PRSS41: variants seen among roughly 807,000 people sequenced by gnomAD.
PRSS41 encodes protease, serine 41.
A neutral mutation model predicts 28.8 loss-of-function variants in PRSS41; 37 were observed. The ratio of observed to expected loss-of-function variants is 1.29; its 90% CI spans 0.99 to 1.69. The LOEUF (loss-of-function observed/expected upper bound fraction) is 1.69. PRSS41 is among the 40% of genes most tolerant of loss of function. The probability of loss-of-function intolerance (pLI) is 0.00; values close to 1 mark genes in which losing one functional copy is unlikely to be tolerated. For missense variants in PRSS41, 431 were observed against 400.7 expected, an observed-to-expected ratio of 1.08 and a Z score of -0.65; for synonymous variants, 195 against 163.1, an observed-to-expected ratio of 1.20 and a Z score of -1.49.
chr16:2,802,107 G>A (rs1216748867), intron 4 of PRSS41, among the ~76,000 whole-genome samples: 1 of 147,350 alleles, frequency 6.8e-6, no homozygotes, highest in African/African-American at 2.5e-5. Context: ...CGGGCGGAGA[G>A]GCTCCTCACT....
chr16:2,800,313 GGTGAATC>G, intron 4 of PRSS41, among the ~76,000 whole-genome samples: 1 of 152,298 alleles, frequency 6.6e-6, no homozygotes, highest in Middle Eastern at 3.4e-3. Flanking sequence ...GGCCGAGGCA[GGTGAATC>G]ACCTGAGGTC....
chr16:2,802,858 G>A (rs1270236265), intron 4 of PRSS41, among the ~76,000 whole-genome samples: 1 of 144,640 alleles, frequency 6.9e-6, no homozygotes, highest in Non-Finnish European at 1.5e-5. Flanking sequence ...GAGGGAGACC[G>A]TGGGGAGAGG....
chr16:2,804,289 A>T (rs2069006232), intron 4 of PRSS41, 100 bp from the exon 5 acceptor site: 2 of 1,278,784 alleles, frequency 1.6e-6, no homozygotes, highest in Non-Finnish European at 2.2e-6. Flanking sequence ...TGTGTCAGGG[A>T]CCTTCTCCCC....
At chr16:2,799,482 C>T in exon 4 of PRSS41, 2 of 1,552,154 alleles carry the variant, frequency 1.3e-6, no homozygotes, top group South Asian at 1.2e-5. Flanking sequence ...GTACATCCAG[C>T]CCATTTGCAT....
chr16:2,798,584 G>C, intron 1 of PRSS41, 36 bp downstream of exon 1: 2 of 1,525,492 alleles, frequency 1.3e-6, no homozygotes, highest in South Asian at 1.2e-5. Context: ...ACCGGGGGCA[G>C]CGAGGAGGCC....
At chr16:2,799,445 A>T (rs1477425753) in exon 4 of PRSS41, 2 of 1,552,184 alleles carry the variant, frequency 1.3e-6, no homozygotes, top group Admixed American at 2.0e-5. Context: ...CCCTGCTGAG[A>T]CTGGCCTCTT....
chr16:2,799,536 G>C (rs1417153744), exon 4 of PRSS41: 2 of 1,551,664 alleles, frequency 1.3e-6, no homozygotes, highest in East Asian at 2.4e-5. Context: ...GGACTGCTGG[G>C]TGACCGGCTG....
intron 4 of PRSS41, 75 bp downstream of exon 4, chr16:2,799,644 C>T (rs1363262378): frequency 6.9e-7 from 1 of 1,445,800 alleles, no homozygotes; most frequent in African/African-American, 1.4e-5. Flanking sequence ...GTTCCCGCTA[C>T]ACAAGCACAG....
At chr16:2,800,650 G>A (rs58302361) in intron 4 of PRSS41, among the ~76,000 whole-genome samples, 213 of 152,208 alleles carry the variant, frequency 1.4e-3, no homozygotes, top group African/African-American at 4.9e-3. Flanking sequence ...GTGAACGAAT[G>A]GTGAGTGAAT....
At chr16:2,802,673 G>A (rs952763904) in intron 4 of PRSS41, among the ~76,000 whole-genome samples, 2 of 152,250 alleles carry the variant, frequency 1.3e-5, no homozygotes, top group African/African-American at 2.4e-5. Context: ...CGCGGTTAGG[G>A]GCTGGAGACC....
intron 4 of PRSS41, among the ~76,000 whole-genome samples, chr16:2,802,684 G>A (rs1044154838): frequency 1.4e-4 from 21 of 152,186 alleles, no homozygotes; most frequent in African/African-American, 9.6e-5. Flanking sequence ...GCTGGAGACC[G>A]GCCCGGCCAA....
chr16:2,799,614 G>A (rs2068973760), intron 4 of PRSS41, 45 bp downstream of exon 4: 2 of 1,533,500 alleles, frequency 1.3e-6, no homozygotes, highest in East Asian at 2.4e-5. Flanking sequence ...GGTGCGGGGT[G>A]AGCATTACCC....
intron 4 of PRSS41, among the ~76,000 whole-genome samples, chr16:2,802,974 T>C (rs2068999825): frequency 6.6e-6 from 1 of 152,216 alleles, no homozygotes; most frequent in East Asian, 1.9e-4. Flanking sequence ...TCTCTTTTGG[T>C]TACTATTTTT....
At chr16:2,798,917 A>G (rs1483764814) in intron 2 of PRSS41, 42 bp from the exon 3 acceptor site, 8 of 717,192 alleles carry the variant, frequency 1.1e-5, no homozygotes, top group Admixed American at 8.4e-5. Flanking sequence ...TGCCCACCCC[A>G]CCCCACCCGG....
At chr16:2,800,694 A>G (rs2068980377) in intron 4 of PRSS41, among the ~76,000 whole-genome samples, 1 of 152,204 alleles carries the variant, frequency 6.6e-6, no homozygotes, top group African/African-American at 2.4e-5. Context: ...ACACTACTGT[A>G]GACTTTATAA....
exon 4 of PRSS41, chr16:2,799,523 G>A (rs1479313406): frequency 6.4e-7 from 1 of 1,551,860 alleles, no homozygotes; most frequent in African/African-American, 1.4e-5. Flanking sequence ...TCGTGCACCG[G>A]CCGGACTGCT....
chr16:2,799,424 C>T (rs2068971539), exon 4 of PRSS41: 1 of 1,552,184 alleles, frequency 6.4e-7, no homozygotes, highest in Non-Finnish European at 8.7e-7. Flanking sequence ...GGGTTTTACG[C>T]AATGACATTG....
At chr16:2,802,224 C>T (rs2068993137) in intron 4 of PRSS41, among the ~76,000 whole-genome samples, 1 of 150,160 alleles carries the variant, frequency 6.7e-6, no homozygotes, top group African/African-American at 2.5e-5. Context: ...CGGGCAGAGG[C>T]GCTCCTCACA....
At chr16:2,803,003 C>T (rs2069000014) in intron 4 of PRSS41, among the ~76,000 whole-genome samples, 1 of 152,198 alleles carries the variant, frequency 6.6e-6, no homozygotes, top group Non-Finnish European at 1.5e-5. Context: ...TTTTCCCAAC[C>T]TTTCACTTTC....
Sources: gnomAD v4.1 joint callset for allele counts (sites outside exome capture counted in the v4.1 genomes callset) on GRCh38, gnomAD v4.1.1 for gene constraint, MANE v1.5 for transcripts, NCBI Gene and HGNC (gene_info 2026-07-23, HGNC 2026-07-21) for gene names.